Variants in SLC12A7 observed in about 807,000 individuals in gnomAD.
The protein encoded by SLC12A7 is K-Cl cotransporter 4.
In SLC12A7, 100 loss-of-function variants were observed where a neutral mutation model predicts 120.6. The ratio of observed to expected loss-of-function variants is 0.83; its 90% CI spans 0.71 to 0.98. The LOEUF (loss-of-function observed/expected upper bound fraction) is 0.98, where lower values mean the gene tolerates loss of function less well. Ranked by LOEUF, SLC12A7 falls within the 50% of genes least tolerant of loss-of-function variation. SLC12A7 has a pLI of 0.00. For synonymous variants in SLC12A7, 760 were observed against 678.0 expected (o/e 1.12, Z -1.88); for missense variants, 1,373 against 1,548.1 (o/e 0.89, Z 1.90).
chr5:1,061,005 ATCCCTG>A (rs1561034559), intron 20 of SLC12A7, among the ~76,000 whole-genome samples: 2 of 149,590 alleles, frequency 1.3e-5, no homozygotes, highest in African/African-American at 5.0e-5. Flanking sequence ...GCCGTGCAGG[ATCCCTG>A]AGTCTCACCC....
intron 1 of SLC12A7, among the ~76,000 whole-genome samples, chr5:1,104,684 G>A (rs1314269957): frequency 8.0e-5 from 12 of 149,744 alleles, no homozygotes; most frequent in Non-Finnish European, 1.5e-4. Flanking sequence ...CGGGGGGTGC[G>A]TGTGGGGTGC....
At chr5:1,103,805 C>G (rs185153595) in intron 1 of SLC12A7, among the ~76,000 whole-genome samples, 1 of 152,258 alleles carries the variant, frequency 6.6e-6, no homozygotes, top group African/African-American at 2.4e-5. Flanking sequence ...CGCCTGCTCG[C>G]GGGAAGGTGG....
the SLC12A7 span, among the ~76,000 whole-genome samples, chr5:1,128,021 G>A: frequency 2.6e-5 from 4 of 152,202 alleles, no homozygotes; most frequent in African/African-American, 7.2e-5. Context: ...TGACAGGCGC[G>A]TGATCTCTGG....
chr5:1,138,251 T>C, the SLC12A7 span, among the ~76,000 whole-genome samples: 3 of 152,198 alleles, frequency 2.0e-5, no homozygotes, highest in Non-Finnish European at 4.4e-5. Context: ...CACCACCCAC[T>C]GCCGGCGGGG....
At chr5:1,141,659 TA>T in the SLC12A7 span, among the ~76,000 whole-genome samples, 4 of 152,170 alleles carry the variant, frequency 2.6e-5, no homozygotes, top group Admixed American at 2.0e-4. Flanking sequence ...AAATTTTTTT[TA>T]AAAAATGAAG....
intron 22 of SLC12A7, among the ~76,000 whole-genome samples, chr5:1,053,875 T>C (rs1412963251): frequency 1.3e-5 from 2 of 152,232 alleles, no homozygotes; most frequent in Admixed American, 1.3e-4. Flanking sequence ...GCTGACACGC[T>C]TCTCTTGACA....
At chr5:1,155,344 C>A in the SLC12A7 span, among the ~76,000 whole-genome samples, 1 of 152,174 alleles carries the variant, frequency 6.6e-6, no homozygotes, top group Admixed American at 6.5e-5. Flanking sequence ...GCCTGGTCCC[C>A]GCCCTCCCCG....
chr5:1,096,100 C>A (rs1056023173), intron 1 of SLC12A7, among the ~76,000 whole-genome samples: 2 of 152,234 alleles, frequency 1.3e-5, no homozygotes, highest in African/African-American at 2.4e-5. Flanking sequence ...TGAAAAAGAT[C>A]TCTCGTGTGT....
At position 1,052,313 on chromosome 5, in the gene SLC12A7, A is replaced by T; in HGVS notation, c.*47T>A. ...GGCCAAGCCCAGGCCCAGGCTGCCC[A>T]CGCCGTCCTCCGTGCCTGTCCCAGA... On this transcript the variant is annotated 3_prime_UTR_variant, in exon 24 of 24. Transcript: ENST00000264930. The T allele has an allele frequency of 2.0e-6, 3 of 1,525,660 alleles. No homozygotes were observed. Among genetic ancestry groups the T allele is most frequent in the Non-Finnish European group, 2.7e-6 (3 of 1,101,178 alleles). The allele number at this position is 1,525,660 out of a possible 1,614,324, so 94.5% of individuals were successfully genotyped here. A position where few individuals can be genotyped will look rare whatever the true frequency, so the allele number is the denominator to read the frequency against.
chr5:1,152,257 CCCT>C, the SLC12A7 span, among the ~76,000 whole-genome samples: 254 of 152,364 alleles, frequency 1.7e-3, 2 homozygotes, highest in Non-Finnish European at 2.8e-3. Context: ...CGGCCACCCA[CCCT>C]TGTGCCCACG....
At chr5:1,094,936 G>C (rs1342387101) in intron 1 of SLC12A7, among the ~76,000 whole-genome samples, 1 of 151,810 alleles carries the variant, frequency 6.6e-6, no homozygotes, top group Non-Finnish European at 1.5e-5. Flanking sequence ...GAATTGGTGG[G>C]GAGGAGGACT....
the SLC12A7 span, among the ~76,000 whole-genome samples, chr5:1,125,922 T>TAAAAAAA: frequency 1.7e-5 from 1 of 58,606 alleles, no homozygotes; most frequent in African/African-American, 8.5e-5. Context: ...AGGCCCTGCC[T>TAAAAAAA]CAAAAAAAAA....
chr5:1,113,526 C>T (rs1294995563), upstream of SLC12A7, among the ~76,000 whole-genome samples: 1 of 152,192 alleles, frequency 6.6e-6, no homozygotes, highest in Non-Finnish European at 1.5e-5. Context: ...CATCCAGCAC[C>T]AGCCCTTGCA....
intron 1 of SLC12A7, among the ~76,000 whole-genome samples, chr5:1,107,338 T>C (rs866883709): frequency 2.0e-5 from 3 of 151,942 alleles, no homozygotes; most frequent in East Asian, 3.9e-4. Context: ...CCATCCCCCA[T>C]GCAGGAGCCT....
chr5:1,054,286 C>T (rs968594488), intron 22 of SLC12A7, among the ~76,000 whole-genome samples: 8 of 152,262 alleles, frequency 5.3e-5, no homozygotes, highest in Non-Finnish European at 8.8e-5. Flanking sequence ...CTGCTGTGGC[C>T]GGTCCATGTC....
At chr5:1,144,550 C>T in the SLC12A7 span, among the ~76,000 whole-genome samples, 1,087 of 152,300 alleles carry the variant, frequency 7.1e-3, 13 homozygotes, top group African/African-American at 0.024. Context: ...GTGGAGGGCA[C>T]GGTGAGGTCA....
chr5:1,084,010 T>C lies in SLC12A7; in HGVS notation c.918-54A>G, dbSNP rs1361294110. The C allele has an allele frequency of 2.0e-6, 3 of 1,508,852 alleles. No homozygotes were observed. The East Asian group carries it at 6.8e-5, about 34-fold the overall frequency. The allele number at this position is 1,508,852 out of a possible 1,614,324, so 93.5% of individuals were successfully genotyped here. A position where few individuals can be genotyped will look rare whatever the true frequency, so the allele number is the denominator to read the frequency against. ...GTGCTGCCACCGAAGTGGCTTTTAC[T>C]GCCCCACCCAGCTCCCCCAACGGGC... On this transcript the variant is annotated intron_variant, in intron 7 of 23. Transcript: ENST00000264930.
chr5:1,114,426 A>G (rs2150918316), upstream of SLC12A7, among the ~76,000 whole-genome samples: 1 of 152,256 alleles, frequency 6.6e-6, no homozygotes, highest in East Asian at 1.9e-4. Flanking sequence ...AAGCCGCTGC[A>G]GGCCCCTCCC....
In SLC12A7 at chr5:1,061,102, C is replaced by A. The variant is rs1324695379; in HGVS notation, c.2740-651G>T. ...CCGCATCCGCCATGCGGAACCCCTG[C>A]GTCTCACCCACCGCACCCGCCGTGC... On this transcript the variant is annotated intron_variant, in intron 20 of 23. Transcript: ENST00000264930. Among the ~76,000 whole-genome samples the A allele has an allele frequency of 3.1e-4, 16 of 50,804 alleles. 2 individuals are homozygous for A. The highest frequency in any genetic ancestry group is 6.0e-4 in the African/African-American group (13 of 21,676). The allele number at this position is 50,804 out of a possible 152,430, so 33.3% of individuals were successfully genotyped here. A position where few individuals can be genotyped will look rare whatever the true frequency, so the allele number is the denominator to read the frequency against.
Sources: gnomAD v4.1 joint callset for allele counts (sites outside exome capture counted in the v4.1 genomes callset) on GRCh38, gnomAD v4.1.1 for gene constraint, MANE v1.5 for transcripts, NCBI Gene and HGNC (gene_info 2026-07-23, HGNC 2026-07-21) for gene names.